THBS2: variants seen among roughly 807,000 people sequenced by gnomAD.
The protein encoded by THBS2 is thrombospondin 2, also known as thrombospondin-2.
Under a neutral mutation model 135.2 loss-of-function variants are expected in THBS2, and 47 were observed. The observed-to-expected ratio is 0.35, with a 90% CI of 0.28 to 0.44. The LOEUF is 0.44. Among genes scored for constraint, THBS2 ranks in the 20% least tolerant of loss-of-function variants. The probability of loss-of-function intolerance (pLI) is 1.00; values close to 1 mark genes in which losing one functional copy is unlikely to be tolerated. For synonymous variants in THBS2, 639 were observed against 633.8 expected (o/e 1.01, Z -0.12); for missense variants, 1,288 against 1,603.1 (o/e 0.80, Z 3.36).
In THBS2 at chr6:169,241,307, A is replaced by G. The variant is rs1214444907; in HGVS notation, c.891+455T>C. ...TGGCCGCGCTGTGCCGCTCAAACCCATTTCACTCCTGCCAGCCTCACAGGA... is the reference window on the plus strand; with the variant it reads ...TGGCCGCGCTGTGCCGCTCAAACCCGTTTCACTCCTGCCAGCCTCACAGGA... On this transcript the variant is annotated intron_variant, in intron 5 of 21. Coordinates refer to ENST00000617924, the MANE Select transcript of THBS2 (RefSeq NM_003247.5). This position sits in a 1 kb window ranked among gnomAD's most constrained non-coding sequence, Gnocchi z 5.5. 6.6e-6 allele frequency among the ~76,000 whole-genome samples: 1 copy of G among 151,696 alleles called. No individual in the cohort carries two copies. The highest frequency in any genetic ancestry group is 1.5e-5 in the Non-Finnish European group (1 of 67,934).
At chr6:169,221,595 C>T (rs1779433193) in intron 19 of THBS2, 68 bp from the exon 20 acceptor site, 3 of 1,423,920 alleles carry the variant, frequency 2.1e-6, no homozygotes, top group Admixed American at 1.7e-5. Flanking sequence ...TCTGTAACAC[C>T]AAGCAGGAAG....
At position 169,252,535 on chromosome 6, in the gene THBS2, C is replaced by G. The variant is rs577077315; in HGVS notation, c.-23+1189G>C. On this transcript the variant is annotated intron_variant, in intron 1 of 21. Coordinates refer to ENST00000617924, the MANE Select transcript of THBS2 (RefSeq NM_003247.5). This position sits in a 1 kb window ranked among gnomAD's most constrained non-coding sequence, Gnocchi z 4.3. ...GAAAAACTAAATCAAACTCCTTTGA[C>G]GAAACCAGATCCTACTGTCTCTGCC... Among the ~76,000 whole-genome samples the G allele has an allele frequency of 8.5e-5, 13 of 152,352 alleles. No individual in the cohort carries two copies. The South Asian group carries it at 2.5e-3, about 29-fold the overall frequency.
intron 4 of THBS2, among the ~76,000 whole-genome samples, chr6:169,243,937 C>T (rs7382429): frequency 0.41 from 61,883 of 152,012 alleles, 13,405 homozygotes; most frequent in East Asian, 0.64. Flanking sequence ...AAGAACCAAT[C>T]CATGAACTAG....
At chr6:169,253,620 G>T (rs1181076404) in intron 1 of THBS2, 104 bp downstream of exon 1, 3 of 152,222 alleles carry the variant, frequency 2.0e-5, no homozygotes, top group African/African-American at 7.2e-5. Context: ...GTTAAGAATC[G>T]AAATTGCTCC....
At chr6:169,237,089 G>C in intron 9 of THBS2, 81 bp downstream of exon 9, 1 of 1,489,196 alleles carries the variant, frequency 6.7e-7, no homozygotes, top group Non-Finnish European at 9.0e-7. Flanking sequence ...TGACACCCCG[G>C]ATCCCGGCTC....
In THBS2 at chr6:169,232,902, C is replaced by T. The variant is rs750385348; in HGVS notation, c.1767G>A (p.Glu589=). The T allele has an allele frequency of 7.5e-6, 12 of 1,593,740 alleles. No individual in the cohort carries two copies. Among genetic ancestry groups the T allele is most frequent in the Admixed American group, 3.6e-5 (2 of 55,188 alleles). ...CGGGGTCACCCACCTCGTCCAGGTC[C>T]TCACAGTGGGTGCCATTGCCCAAGA... The part of the protein sequence containing the change: ...VGFLGNGTHC[E]DLDECALVPD... The change falls in exon 11 of 22, where the codon GAG becomes GAA. Residue 589 remains glutamate (E), a synonymous_variant. Transcript: ENST00000617924.
intron 3 of THBS2, among the ~76,000 whole-genome samples, chr6:169,247,938 A>G (rs962224743): frequency 6.7e-6 from 1 of 149,386 alleles, no homozygotes; most frequent in East Asian, 2.0e-4. Flanking sequence ...AATGGTGTTT[A>G]TGTGCGTCTG....
chr6:169,229,690 A>C lies in THBS2; in HGVS notation c.2152-11T>G. 2 of 1,602,624 alleles carry C rather than the reference A, an allele frequency of 1.2e-6. No individual in the cohort carries two copies. Among genetic ancestry groups the C allele is most frequent in the Middle Eastern group, 3.3e-4 (2 of 6,032 alleles). ...ATGGGGGCAGTTATCCTGCAATTGGAGAAGGAAGAATACTTGGAAAAACAT... is the reference window on the plus strand; with the variant it reads ...ATGGGGGCAGTTATCCTGCAATTGGCGAAGGAAGAATACTTGGAAAAACAT... On this transcript the variant is annotated splice_polypyrimidine_tract_variant and intron_variant, in intron 13 of 21. Coordinates refer to ENST00000617924, the MANE Select transcript of THBS2 (RefSeq NM_003247.5).
intron 9 of THBS2, among the ~76,000 whole-genome samples, chr6:169,236,739 CCCATCCACACTCACT>C (rs1287399080): frequency 6.0e-5 from 9 of 149,524 alleles, no homozygotes; most frequent in Middle Eastern, 3.5e-3. Context: ...ACACTCATTC[CCCATCCACACTCACT>C]CCATCCACAC....
rs1246753674 is a variant in THBS2 at position 169,225,268 on chromosome 6, G to T, written c.2650C>A (p.Gln884Lys). ...DNCPYISNAN[Q>K]ADHDRDGQGD... The stretch of plus-strand genomic sequence containing the variant: ...TGGCCGTCTCTGTCATGGTCAGCCT[G>T]GTTGGCGTTGGAGATGTAGGGGCAG... Residue 884 changes from glutamine (Q) to lysine (K), a missense_variant, in exon 17 of 22, where the codon CAG becomes AAG. Physicochemically the swap from Gln to Lys is moderately conservative, Grantham distance 53. Transcript: ENST00000617924. 6.2e-7 allele frequency: 1 copy of T among 1,610,220 alleles called. No homozygotes were observed.
In THBS2 at chr6:169,240,515, A is replaced by T; in HGVS notation, c.969T>A (p.Asp323Glu). ...KTRNMSACWQ[D>E]GRFFAENETW... is the part of the protein sequence containing the mutation. ...TTTCATTTTCCGCAAAGAACCGGCC[A>T]TCCTGCCAGCAAGCTGACATGTTCC... Residue 323 changes from aspartate to glutamate, a missense_variant, in exon 6 of 22, where the codon GAT becomes GAA. By Grantham distance (45) the Asp-to-Glu change is conservative. Around this residue, in one of 2 missense-constraint regions of THBS2, gnomAD observed 414 missense variants for 447.0 expected, o/e 0.93. Coordinates refer to ENST00000617924, the MANE Select transcript of THBS2 (RefSeq NM_003247.5). 1 of 1,614,040 alleles carries T rather than the reference A, an allele frequency of 6.2e-7. No individual in the cohort carries two copies. The highest frequency in any genetic ancestry group is 1.1e-5 in the South Asian group (1 of 91,084).
At position 169,217,273 on chromosome 6, in the gene THBS2, A is replaced by T. The variant is rs1779208297; in HGVS notation, c.*549T>A. On this transcript the variant is annotated 3_prime_UTR_variant, in exon 22 of 22. Coordinates refer to ENST00000617924, the MANE Select transcript of THBS2 (RefSeq NM_003247.5). Reference sequence around the variant, plus strand: ...TCATTTGCTATGCCTGTTGTCTTCTAATCTCTCCTTACTAAAACATTACTT... The same window carrying T: ...TCATTTGCTATGCCTGTTGTCTTCTTATCTCTCCTTACTAAAACATTACTT... 6.6e-6 allele frequency: 1 copy of T among 152,514 alleles called. No homozygotes were observed. Among genetic ancestry groups the T allele is most frequent in the Non-Finnish European group, 1.5e-5 (1 of 68,288 alleles). 9.4% of individuals were successfully genotyped at this position (152,514 alleles called of 1,614,324 possible).
chr6:169,229,735 A>G lies in THBS2; in HGVS notation c.2152-56T>C, dbSNP rs893959363. On this transcript the variant is annotated intron_variant, in intron 13 of 21. Coordinates refer to ENST00000617924, the MANE Select transcript of THBS2 (RefSeq NM_003247.5). ...AAACATTTAGGAAAGCGCCTCTTTC[A>G]GGAATGCAGGTGAAATGAAACCAGC... 4.9e-6 allele frequency: 7 copies of G among 1,414,464 alleles called. No individual in the cohort carries two copies. In the South Asian group the frequency reaches 6.9e-5, roughly 14 times the overall value. 87.6% of individuals were successfully genotyped at this position (1,414,464 alleles called of 1,614,324 possible). A position where few individuals can be genotyped will look rare whatever the true frequency, so the allele number is the denominator to read the frequency against.
chr6:169,245,988 C>G (rs1171979150), intron 4 of THBS2: 2 of 411,560 alleles, frequency 4.9e-6, no homozygotes, highest in African/African-American at 4.0e-5. Context: ...TTAAAATTAA[C>G]TGTTTAATCA....
chr6:169,217,949 T>TATGGATGG (rs577755228), intron 21 of THBS2, 120 bp from the exon 22 acceptor site: 2 of 942,664 alleles, frequency 2.1e-6, no homozygotes, highest in South Asian at 3.5e-5. Context: ...AGATCTATCA[T>TATGGATGG]ATGGATGGAT....
chr6:169,231,831 A>G, intron 13 of THBS2, 149 bp downstream of exon 13: 1 of 892,912 alleles, frequency 1.1e-6, no homozygotes, highest in Non-Finnish European at 1.7e-6. Flanking sequence ...AGGGGGATGC[A>G]TTCAACCTGG....
chr6:169,225,283 T>G lies in THBS2; in HGVS notation c.2635A>C (p.Ile879Leu), dbSNP rs373287450. The G allele has an allele frequency of 1.2e-5, 20 of 1,604,316 alleles. 1 individual carries two copies. The Admixed American group carries it at 1.4e-4, about 11-fold the overall frequency. Residue 879 changes from isoleucine (I) to leucine (L), a missense_variant, in exon 17 of 22, where the codon ATC becomes CTC. This residue lies in a region of THBS2 where 874 missense variants were observed against 1,156.1 expected (regional missense o/e 0.76). Transcript: ENST00000617924. ...TGGTCAGCCTGGTTGGCGTTGGAGA[T>G]GTAGGGGCAGTTGTCCTGGTTGTTC... ...HQNNQDNCPY[I>L]SNANQADHDR...
intron 2 of THBS2, among the ~76,000 whole-genome samples, chr6:169,250,127 G>T (rs1780704523): frequency 6.6e-6 from 1 of 152,150 alleles, no homozygotes; most frequent in African/African-American, 2.4e-5. Flanking sequence ...AATACACAGG[G>T]TTGCTGACAG....
chr6:169,226,678 T>C (rs1349779489), intron 15 of THBS2, among the ~76,000 whole-genome samples: 1 of 152,126 alleles, frequency 6.6e-6, no homozygotes, highest in Non-Finnish European at 1.5e-5. Context: ...TCCATGCACA[T>C]GAGTAGGAAA....
Sources: allele counts gnomAD v4.1 joint callset (sites outside exome capture counted in the v4.1 genomes callset), GRCh38; gene constraint gnomAD v4.1.1; regional missense constraint gnomAD v4.1.1; non-coding constraint Gnocchi (gnomAD v3.1); transcripts MANE v1.5; gene names NCBI Gene and HGNC (gene_info 2026-07-23, HGNC 2026-07-21).